The following TRMT11 variants were observed in gnomAD, a reference collection of about 807,000 sequenced individuals.
TRMT11 encodes tRNA (guanine(10)-N(2))-methyltransferase TRMT11.
A neutral mutation model predicts 62.8 loss-of-function variants in TRMT11; 53 were observed. That is an observed-to-expected ratio of 0.84 (90% CI 0.68 to 1.06). The LOEUF is 1.06. Ranked by LOEUF, TRMT11 falls within the 50% of genes least tolerant of loss-of-function variation. The pLI, the probability that TRMT11 is intolerant of heterozygous loss-of-function variation, is 0.00. For missense variants in TRMT11, 556 were observed against 553.4 expected (o/e 1.00, Z -0.05); for synonymous variants, 188 against 190.3 (o/e 0.99, Z 0.10).
chr6:126,141,344 A>G (rs1777914437), intron 21 of TRMT11, among the ~76,000 whole-genome samples: 1 of 152,176 alleles, frequency 6.6e-6, no homozygotes, highest in Non-Finnish European at 1.5e-5. Context: ...TAATCAATGT[A>G]ATCAGTCAAA....
chr6:126,182,463 G>C (rs1431690617), intron 1 of TRMT11, among the ~76,000 whole-genome samples: 1 of 151,926 alleles, frequency 6.6e-6, no homozygotes, highest in East Asian at 1.9e-4. Flanking sequence ...CTGTGCATCT[G>C]GGCTAATGGG....
intron 8 of TRMT11, among the ~76,000 whole-genome samples, chr6:126,009,922 T>G (rs1793930449): frequency 6.6e-6 from 1 of 152,016 alleles, no homozygotes; most frequent in Non-Finnish European, 1.5e-5. Context: ...GGTAGTTCCC[T>G]TAGAGCTTAT....
intron 11 of TRMT11, among the ~76,000 whole-genome samples, chr6:126,019,739 C>G (rs1229960455): frequency 6.6e-6 from 1 of 152,028 alleles, no homozygotes; most frequent in East Asian, 1.9e-4. Flanking sequence ...CTACTGTACT[C>G]CAGCCTCGGC....
At chr6:126,045,541 A>G (rs1776029466) in intron 16 of TRMT11, among the ~76,000 whole-genome samples, 1 of 152,196 alleles carries the variant, frequency 6.6e-6, no homozygotes, top group Admixed American at 6.5e-5. Context: ...CAAATGGGGC[A>G]GTGGTTGCAG....
intron 3 of TRMT11, among the ~76,000 whole-genome samples, chr6:125,996,402 GAGC>G (rs1346041190): frequency 6.6e-6 from 1 of 152,224 alleles, no homozygotes; most frequent in Non-Finnish European, 1.5e-5. Context: ...TTAATTGGAT[GAGC>G]AGATTAGTGA....
At chr6:126,222,687 TTC>T in the TRMT11 span, among the ~76,000 whole-genome samples, 1 of 152,210 alleles carries the variant, frequency 6.6e-6, no homozygotes, top group African/African-American at 2.4e-5. Flanking sequence ...TGATGGGTTT[TTC>T]TCTATCCCTT....
chr6:126,133,489 G>T (rs1269874488), intron 21 of TRMT11, among the ~76,000 whole-genome samples: 1 of 151,954 alleles, frequency 6.6e-6, no homozygotes, highest in Admixed American at 6.6e-5. Context: ...GCCCATAAAA[G>T]TTCCTTCTGC....
At chr6:126,040,005 T>C (rs1305414567), downstream of TRMT11, among the ~76,000 whole-genome samples, 2 of 152,130 alleles carry the variant, frequency 1.3e-5, no homozygotes, top group Non-Finnish European at 2.9e-5. Flanking sequence ...TGTTTGGGTT[T>C]CTGGATGTGA....
the TRMT11 span, among the ~76,000 whole-genome samples, chr6:126,261,481 C>A: frequency 6.6e-6 from 1 of 151,832 alleles, no homozygotes; most frequent in Non-Finnish European, 1.5e-5. Flanking sequence ...TTTTGGGGGG[C>A]TGTCATGCAT....
chr6:126,230,872 A>T, the TRMT11 span, among the ~76,000 whole-genome samples: 13 of 152,298 alleles, frequency 8.5e-5, no homozygotes, highest in East Asian at 2.5e-3. Flanking sequence ...AACTGTCTTA[A>T]CTTCTAATCA....
At chr6:126,014,538 C>T (rs371809936) in intron 11 of TRMT11, among the ~76,000 whole-genome samples, 18 of 152,204 alleles carry the variant, frequency 1.2e-4, no homozygotes, top group African/African-American at 3.9e-4. Context: ...CGTGAGCCAC[C>T]GTGTCCGGCC....
intron 12 of TRMT11, among the ~76,000 whole-genome samples, chr6:126,029,270 A>G (rs1000611814): frequency 5.3e-5 from 8 of 152,220 alleles, no homozygotes; most frequent in African/African-American, 1.9e-4. Flanking sequence ...TACATAAGAC[A>G]TAAATGTACA....
At chr6:126,028,622 C>T (rs1562285857) in intron 12 of TRMT11, among the ~76,000 whole-genome samples, 1 of 152,024 alleles carries the variant, frequency 6.6e-6, no homozygotes, top group Non-Finnish European at 1.5e-5. Flanking sequence ...GGTACTTTTT[C>T]TTGAGTTTAC....
chr6:126,098,700 GT>G (rs1777365505), intron 17 of TRMT11, among the ~76,000 whole-genome samples: 1 of 152,196 alleles, frequency 6.6e-6, no homozygotes, highest in Admixed American at 6.5e-5. Context: ...AGTGTAGTTA[GT>G]AGAAGCTGAC....
intron 12 of TRMT11, among the ~76,000 whole-genome samples, chr6:126,028,037 T>A (rs1337598459): frequency 6.6e-6 from 1 of 152,178 alleles, no homozygotes; most frequent in East Asian, 1.9e-4. Context: ...GCTGGCATAA[T>A]GCTGATGCCT....
intron 21 of TRMT11, among the ~76,000 whole-genome samples, chr6:126,136,134 C>G (rs1777847033): frequency 6.6e-6 from 1 of 151,404 alleles, no homozygotes; most frequent in South Asian, 2.1e-4. Flanking sequence ...GAATCCTAGC[C>G]AAAGCAATTA....
the TRMT11 span, among the ~76,000 whole-genome samples, chr6:126,236,764 G>A: frequency 1.3e-5 from 2 of 152,136 alleles, no homozygotes; most frequent in African/African-American, 4.8e-5. Context: ...CTGAGTGGCT[G>A]TGTAGTACCA....
chr6:126,077,620 G>T (rs1399573113), intron 17 of TRMT11, among the ~76,000 whole-genome samples: 1 of 152,100 alleles, frequency 6.6e-6, no homozygotes, highest in Non-Finnish European at 1.5e-5. Context: ...GAGCCACCAC[G>T]CCCAGACAAT....
chr6:126,169,756 T>C (rs1778310037), intron 21 of TRMT11, among the ~76,000 whole-genome samples: 1 of 152,152 alleles, frequency 6.6e-6, no homozygotes, highest in African/African-American at 2.4e-5. Flanking sequence ...AGTTCTTACT[T>C]CCCCTTCCTA....
Sources: allele counts gnomAD v4.1 joint callset (sites outside exome capture counted in the v4.1 genomes callset), GRCh38; gene constraint gnomAD v4.1.1; transcripts MANE v1.5; gene names NCBI Gene and HGNC (gene_info 2026-07-23, HGNC 2026-07-21).